The following UIMC1 variants were observed in gnomAD, a reference collection of about 807,000 sequenced individuals.
The protein encoded by UIMC1 is ubiquitin interaction motif containing 1.
Under a neutral mutation model 84.9 loss-of-function variants are expected in UIMC1, and 42 were observed. The observed-to-expected ratio is 0.49, with a 90% CI of 0.39 to 0.64. The LOEUF is 0.64. Among genes scored for constraint, UIMC1 ranks in the 30% least tolerant of loss-of-function variants. The pLI is 0.00. For missense variants in UIMC1, 825 were observed against 847.6 expected (o/e 0.97, Z 0.33); for synonymous variants, 281 against 293.0 (o/e 0.96, Z 0.42).
chr5:176,988,705 G>T (rs1277792590), intron 1 of UIMC1, among the ~76,000 whole-genome samples: 2 of 137,632 alleles, frequency 1.5e-5, no homozygotes, highest in Non-Finnish European at 3.1e-5. Context: ...TTTTTTTGGA[G>T]ACAGAGTCTT....
At chr5:176,943,194 T>C in intron 10 of UIMC1, 141 bp downstream of exon 10, 1 of 1,038,180 alleles carries the variant, frequency 9.6e-7, no homozygotes, top group Middle Eastern at 2.5e-4. Context: ...ACTAGAAAAA[T>C]AACTAGATAG....
chr5:176,987,093 G>A (rs866609142), intron 1 of UIMC1, among the ~76,000 whole-genome samples: 27 of 151,706 alleles, frequency 1.8e-4, no homozygotes, highest in East Asian at 7.8e-4. Flanking sequence ...GGTGGCGGGC[G>A]CCTGTAATCC....
chr5:176,911,399 T>TA lies in UIMC1; in HGVS notation c.1598-11dup. 6.5e-7 allele frequency: 1 copy of TA among 1,546,186 alleles called. No homozygotes were observed. Among genetic ancestry groups the TA allele is most frequent in the Non-Finnish European group, 8.7e-7 (1 of 1,143,750 alleles). On this transcript the variant is annotated splice_polypyrimidine_tract_variant and intron_variant, in intron 10 of 14. Coordinates refer to ENST00000511320, the MANE Select transcript of UIMC1 (RefSeq NM_001199298.2). Reference sequence around the variant, plus strand: ...TGTCTCCGAGTCAATACTTTTAATATAAAAAATATATATATATACACATAG... The same window carrying TA: ...TGTCTCCGAGTCAATACTTTTAATATAAAAAAATATATATATATACACATAG...
intron 10 of UIMC1, among the ~76,000 whole-genome samples, chr5:176,915,170 A>G (rs1349550333): frequency 2.0e-5 from 3 of 151,524 alleles, no homozygotes; most frequent in African/African-American, 7.3e-5. Flanking sequence ...GTTCCTATTC[A>G]CTTATATGTC....
intron 10 of UIMC1, among the ~76,000 whole-genome samples, chr5:176,923,883 A>G (rs1762035399): frequency 7.1e-6 from 1 of 140,798 alleles, no homozygotes; most frequent in Non-Finnish European, 1.5e-5. Flanking sequence ...AAATATATAT[A>G]TATATACACA....
At chr5:176,924,265 C>T (rs1161596067) in intron 10 of UIMC1, among the ~76,000 whole-genome samples, 1 of 151,884 alleles carries the variant, frequency 6.6e-6, no homozygotes, top group East Asian at 1.9e-4. Flanking sequence ...TTGCAGTGAG[C>T]CGAGATCGTA....
At chr5:176,935,063 G>A (rs144379472) in intron 10 of UIMC1, among the ~76,000 whole-genome samples, 202 of 152,244 alleles carry the variant, frequency 1.3e-3, no homozygotes, top group Non-Finnish European at 2.3e-3. Context: ...TATACCACAA[G>A]GGGGGTAAAC....
chr5:177,005,536 A>C (rs192826136), intron 1 of UIMC1, among the ~76,000 whole-genome samples: 5 of 151,694 alleles, frequency 3.3e-5, no homozygotes, highest in African/African-American at 1.2e-4. Flanking sequence ...ATACAATCCA[A>C]ACACTTTAGT....
At chr5:177,006,009 G>A (rs1775208207) in intron 1 of UIMC1, among the ~76,000 whole-genome samples, 1 of 152,148 alleles carries the variant, frequency 6.6e-6, no homozygotes, top group African/African-American at 2.4e-5. Flanking sequence ...GTGCGCTGGG[G>A]GTTATTTTCG....
intron 1 of UIMC1, among the ~76,000 whole-genome samples, chr5:176,992,730 A>G (rs989444093): frequency 6.6e-6 from 1 of 151,936 alleles, no homozygotes; most frequent in African/African-American, 2.4e-5. Context: ...CACCTGAACC[A>G]GGGAGGTCAA....
chr5:177,008,742 A>G (rs1277997138), upstream of UIMC1, among the ~76,000 whole-genome samples: 1 of 152,192 alleles, frequency 6.6e-6, no homozygotes, highest in East Asian at 1.9e-4. Flanking sequence ...GCTATGCTTA[A>G]TAACTCACTT....
chr5:176,945,514 G>A (rs111550529), intron 9 of UIMC1, among the ~76,000 whole-genome samples: 4,279 of 152,290 alleles, frequency 0.028, 218 homozygotes, highest in African/African-American at 0.097. Flanking sequence ...TCAACAGCGC[G>A]TGATGTGCTT....
intron 9 of UIMC1, among the ~76,000 whole-genome samples, chr5:176,943,983 C>T (rs1397555517): frequency 2.0e-5 from 3 of 152,156 alleles, no homozygotes; most frequent in African/African-American, 4.8e-5. Flanking sequence ...AGGCACAATC[C>T]TCATTGCATC....
chr5:176,946,107 T>C (rs1323279820), intron 9 of UIMC1, among the ~76,000 whole-genome samples: 1 of 152,128 alleles, frequency 6.6e-6, no homozygotes, highest in Non-Finnish European at 1.5e-5. Flanking sequence ...TAATAATAAA[T>C]GCTGGTATAT....
At chr5:176,905,962 A>G in intron 14 of UIMC1, 49 bp downstream of exon 14, 3 of 1,608,700 alleles carry the variant, frequency 1.9e-6, no homozygotes, top group Non-Finnish European at 2.6e-6. Context: ...CAAGGCCTGC[A>G]CTTTTCAGAA....
intron 10 of UIMC1, among the ~76,000 whole-genome samples, chr5:176,933,265 C>T (rs761695188): frequency 6.6e-6 from 1 of 152,054 alleles, no homozygotes; most frequent in Non-Finnish European, 1.5e-5. Flanking sequence ...AATTCTTCTT[C>T]GAAGAAGAAA....
chr5:176,931,203 T>C (rs1044974907), intron 10 of UIMC1, among the ~76,000 whole-genome samples: 1 of 152,212 alleles, frequency 6.6e-6, no homozygotes, highest in African/African-American at 2.4e-5. Flanking sequence ...GGCTCTAAGA[T>C]AGTTCCAATG....
At chr5:176,967,347 G>A (rs1768459517) in intron 6 of UIMC1, among the ~76,000 whole-genome samples, 2 of 151,738 alleles carry the variant, frequency 1.3e-5, no homozygotes, top group Non-Finnish European at 2.9e-5. Context: ...ATCTCATTAG[G>A]ATATTAAATG....
intron 10 of UIMC1, among the ~76,000 whole-genome samples, chr5:176,935,996 C>T: frequency 6.6e-6 from 1 of 152,188 alleles, no homozygotes; most frequent in Non-Finnish European, 1.5e-5. Flanking sequence ...CCTTCAGCTT[C>T]CCTAACTCTC....
Sources: allele counts gnomAD v4.1 joint callset (sites outside exome capture counted in the v4.1 genomes callset), GRCh38; gene constraint gnomAD v4.1.1; transcripts MANE v1.5; gene names NCBI Gene and HGNC (gene_info 2026-07-23, HGNC 2026-07-21).